Variants in SNX30 observed in about 807,000 individuals in gnomAD.
The protein encoded by SNX30 is sorting nexin family member 30.
A neutral mutation model predicts 46.4 loss-of-function variants in SNX30; 24 were observed. The observed-to-expected ratio is 0.52, with a 90% confidence interval of 0.37 to 0.73. The LOEUF (loss-of-function observed/expected upper bound fraction) is 0.73. SNX30 is among the 30% of genes least tolerant of loss of function. SNX30 has a pLI of 0.00. For synonymous variants in SNX30, 189 were observed against 211.5 expected (o/e 0.89, Z 0.92); for missense variants, 533 against 555.7 (o/e 0.96, Z 0.41).
chr9:112,865,661 A>ATATATATGTG, intron 8 of SNX30, among the ~76,000 whole-genome samples: 18 of 105,696 alleles, frequency 1.7e-4, no homozygotes, highest in Admixed American at 3.8e-4. Context: ...ATATATATAT[A>ATATATATGTG]TGTATGTATG....
intron 6 of SNX30, among the ~76,000 whole-genome samples, chr9:112,849,679 A>G (rs557893343): frequency 6.6e-6 from 1 of 152,302 alleles, no homozygotes; most frequent in East Asian, 1.9e-4. Flanking sequence ...GACACATTCC[A>G]TTAGAAGGTT....
intron 3 of SNX30, among the ~76,000 whole-genome samples, chr9:112,827,536 G>A (rs1225921970): frequency 2.0e-5 from 3 of 152,152 alleles, no homozygotes; most frequent in Non-Finnish European, 4.4e-5. Flanking sequence ...GGGGTGGGGT[G>A]TTGGTGTTAC....
intron 2 of SNX30, among the ~76,000 whole-genome samples, chr9:112,808,664 G>A (rs1323705905): frequency 1.3e-5 from 2 of 152,104 alleles, no homozygotes; most frequent in East Asian, 1.9e-4. Context: ...ATGCCTATAC[G>A]CTCACCAGCC....
At chr9:112,813,974 G>A (rs1050558892) in intron 2 of SNX30, among the ~76,000 whole-genome samples, 2 of 152,114 alleles carry the variant, frequency 1.3e-5, no homozygotes, top group Admixed American at 6.5e-5. Context: ...TTTTCCAATG[G>A]TAGATTCCTA....
chr9:112,779,244 G>A (rs1839805325), intron 1 of SNX30, among the ~76,000 whole-genome samples: 1 of 152,220 alleles, frequency 6.6e-6, no homozygotes. Flanking sequence ...AGGAGGTGAC[G>A]GATAGACTGT....
At chr9:112,810,809 G>GC (rs1840307311) in intron 2 of SNX30, among the ~76,000 whole-genome samples, 1 of 152,206 alleles carries the variant, frequency 6.6e-6, no homozygotes, top group Admixed American at 6.5e-5. Flanking sequence ...GTGGATGACA[G>GC]CTGTGCGGGA....
intron 1 of SNX30, among the ~76,000 whole-genome samples, chr9:112,755,090 CTTGAATAAA>C: frequency 6.6e-6 from 1 of 152,298 alleles, no homozygotes; most frequent in Middle Eastern, 3.4e-3. Flanking sequence ...GTTCTAGGAA[CTTGAATAAA>C]TTAGCTGAAA....
At chr9:112,759,938 C>T (rs1221958273) in intron 1 of SNX30, among the ~76,000 whole-genome samples, 1 of 152,060 alleles carries the variant, frequency 6.6e-6, no homozygotes, top group Non-Finnish European at 1.5e-5. Context: ...ATGTATATAG[C>T]GAACCTTTAA....
At position 112,834,879 on chromosome 9, in the gene SNX30, CACA is replaced by C. The variant is rs775561373; in HGVS notation, c.619-1334_619-1332del. 3.7e-3 allele frequency among the ~76,000 whole-genome samples: 299 copies of C among 80,864 alleles called. 3 individuals carry two copies. Among genetic ancestry groups the C allele is most frequent in the East Asian group, 0.023 (43 of 1,856 alleles). The allele number at this position is 80,864 out of a possible 152,430, so 53.0% of individuals were successfully genotyped here. A position where few individuals can be genotyped will look rare whatever the true frequency, so the allele number is the denominator to read the frequency against. ...ACACACACACACACACACACACACACACACCTACCTCAATAGGAAAGGCTGGAT... is the reference window on the plus strand; with the variant it reads ...ACACACACACACACACACACACACACCCTACCTCAATAGGAAAGGCTGGAT... On this transcript the variant is annotated intron_variant, in intron 4 of 8. Coordinates refer to ENST00000374232, the MANE Select transcript of SNX30 (RefSeq NM_001012994.2).
At chr9:112,879,926 A>T (rs939437546), downstream of SNX30, 20 of 1,025,868 alleles carry the variant, frequency 1.9e-5, no homozygotes, top group Admixed American at 3.3e-4. Flanking sequence ...TTTAGGCAAA[A>T]TCATAGGTAG....
intron 3 of SNX30, among the ~76,000 whole-genome samples, chr9:112,824,916 C>T (rs914078924): frequency 3.9e-5 from 6 of 152,148 alleles, no homozygotes; most frequent in African/African-American, 7.2e-5. Flanking sequence ...GAGTGTTGTA[C>T]GACCATCACC....
chr9:112,807,044 T>G (rs1840235653), intron 2 of SNX30, among the ~76,000 whole-genome samples: 2 of 142,792 alleles, frequency 1.4e-5, no homozygotes, highest in Non-Finnish European at 3.0e-5. Context: ...CTGTCTTTTC[T>G]TTTCTATCTT....
intron 2 of SNX30, among the ~76,000 whole-genome samples, chr9:112,815,614 G>T (rs1383353861): frequency 6.6e-6 from 1 of 152,148 alleles, no homozygotes; most frequent in Non-Finnish European, 1.5e-5. Context: ...GCCCACCTCG[G>T]CCTCCCAAAG....
chr9:112,805,222 ATT>A (rs56049152), intron 2 of SNX30, among the ~76,000 whole-genome samples: 121,519 of 151,896 alleles, frequency 0.8, 48,638 homozygotes, highest in South Asian at 0.87. Context: ...ACTTGCGCTT[ATT>A]TTTTTTTTTA....
At chr9:112,750,250 C>G (rs1839242564), upstream of SNX30, among the ~76,000 whole-genome samples, 1 of 152,198 alleles carries the variant, frequency 6.6e-6, no homozygotes, top group African/African-American at 2.4e-5. Flanking sequence ...CTCCCCACAC[C>G]GCCTCTTTGA....
intron 1 of SNX30, among the ~76,000 whole-genome samples, chr9:112,790,810 C>T (rs1359491263): frequency 6.6e-6 from 1 of 152,124 alleles, no homozygotes; most frequent in Non-Finnish European, 1.5e-5. Context: ...CATTTGCTCC[C>T]TATTATGTAT....
At chr9:112,792,370 A>T (rs1840040137) in intron 1 of SNX30, among the ~76,000 whole-genome samples, 1 of 152,228 alleles carries the variant, frequency 6.6e-6, no homozygotes, top group Admixed American at 6.5e-5. Flanking sequence ...ATTTACAATC[A>T]TACATAGACA....
At chr9:112,885,233 G>T (rs1005432819), downstream of SNX30, 1 of 152,042 alleles carries the variant, frequency 6.6e-6, no homozygotes, top group Non-Finnish European at 1.5e-5. Flanking sequence ...GCCGAGATTT[G>T]TAATATGATG....
intron 1 of SNX30, among the ~76,000 whole-genome samples, chr9:112,751,392 A>G (rs777712856): frequency 3.3e-5 from 5 of 152,156 alleles, no homozygotes; most frequent in Non-Finnish European, 7.4e-5. Flanking sequence ...CACCGGTGAC[A>G]GCTGGTGGGG....
Sources: gnomAD v4.1 joint callset for allele counts (sites outside exome capture counted in the v4.1 genomes callset) on GRCh38, gnomAD v4.1.1 for gene constraint, MANE v1.5 for transcripts, NCBI Gene and HGNC (gene_info 2026-07-23, HGNC 2026-07-21) for gene names.